Variants in TMEM164 observed in about 807,000 individuals in gnomAD.
TMEM164 encodes transmembrane protein 164.
A neutral mutation model predicts 18.8 loss-of-function variants in TMEM164; 4 were observed. That is an observed-to-expected ratio of 0.21 (90% confidence interval 0.10 to 0.49). TMEM164 has a LOEUF of 0.49. Among genes scored for constraint, TMEM164 ranks in the 20% least tolerant of loss-of-function variants. The pLI is 0.98. For synonymous variants in TMEM164, 86 were observed against 101.7 expected, an observed-to-expected ratio of 0.85 and a Z score of 0.93; for missense variants, 108 against 239.9, an observed-to-expected ratio of 0.45 and a Z score of 3.63.
intron 2 of TMEM164, among the ~76,000 whole-genome samples, chrX:110,040,152 T>C (rs1935027334): frequency 8.9e-6 from 1 of 112,494 alleles, no homozygotes. Context: ...AATGAGAAGA[T>C]ACTCTTGAAA....
chrX:110,172,802 T>C (rs776737436), intron 6 of TMEM164, among the ~76,000 whole-genome samples: 4 of 112,082 alleles, frequency 3.6e-5, no homozygotes, highest in Non-Finnish European at 5.6e-5. Flanking sequence ...GACCTCCTCA[T>C]AGTGTATAAA....
chrX:110,018,421 TA>T (rs1933603574), intron 2 of TMEM164, among the ~76,000 whole-genome samples: 1 of 111,904 alleles, frequency 8.9e-6, no homozygotes, highest in South Asian at 3.7e-4. Context: ...AGTCTTCTTA[TA>T]TAATAAGAAA....
At chrX:110,183,582 C>T (rs1162485798), downstream of TMEM164, among the ~76,000 whole-genome samples, 5 of 112,038 alleles carry the variant, frequency 4.5e-5, no homozygotes, top group Admixed American at 2.8e-4. Flanking sequence ...TTAGATACCA[C>T]CACTACCATC....
At chrX:110,039,775 A>G (rs577536056) in intron 2 of TMEM164, among the ~76,000 whole-genome samples, 6 of 112,561 alleles carry the variant, frequency 5.3e-5, no homozygotes, top group African/African-American at 1.9e-4. Context: ...CAGTTATGCC[A>G]TCACTTTCCT....
rs750954521 is a variant in TMEM164 at position 110,174,892 on chromosome X, T to C, written c.*1441T>C. ...CCTGTCCCACTCTAGGCAACACAGTTGACCTAGACCAGTTCCAGTATTTCC... is the reference window on the plus strand; with the variant it reads ...CCTGTCCCACTCTAGGCAACACAGTCGACCTAGACCAGTTCCAGTATTTCC... On this transcript the variant is annotated 3_prime_UTR_variant, in exon 7 of 7. Transcript: ENST00000372068. The C allele has an allele frequency of 4.5e-5, 5 of 112,302 alleles. No homozygotes were observed. Among genetic ancestry groups the C allele is most frequent in the Non-Finnish European group, 9.4e-5 (5 of 53,179 alleles). 9.3% of individuals were successfully genotyped at this position (112,302 alleles called of 1,213,427 possible).
At chrX:110,024,187 C>T (rs779094270) in intron 2 of TMEM164, among the ~76,000 whole-genome samples, 4 of 112,558 alleles carry the variant, frequency 3.6e-5, no homozygotes, top group Non-Finnish European at 7.5e-5. Context: ...CACACTGTTT[C>T]TGTTTTCCCT....
intron 4 of TMEM164, among the ~76,000 whole-genome samples, chrX:110,126,810 C>CTGTGTGTGTGTGTGTG (rs4035483): frequency 1.1e-4 from 8 of 69,580 alleles, no homozygotes; most frequent in African/African-American, 4.6e-4. Context: ...TGGGCCACTC[C>CTGTGTGTGTGTGTGTG]TGTGTGTGTG....
chrX:110,116,709 G>A, intron 4 of TMEM164, among the ~76,000 whole-genome samples: 1 of 111,146 alleles, frequency 9.0e-6, no homozygotes, highest in East Asian at 2.8e-4. Flanking sequence ...TGTGTGGATG[G>A]GACTTTGGAA....
chrX:110,082,069 T>A (rs2065766438), intron 3 of TMEM164: 1 of 112,971 alleles, frequency 8.9e-6, no homozygotes, highest in Admixed American at 9.4e-5. Flanking sequence ...TCAGTTGACA[T>A]GTGACTTGCT....
At chrX:110,115,741 A>G (rs772410960) in intron 4 of TMEM164, among the ~76,000 whole-genome samples, 6 of 111,791 alleles carry the variant, frequency 5.4e-5, no homozygotes, top group Non-Finnish European at 1.1e-4. Flanking sequence ...AGTTAGAAAG[A>G]TAAAGTATAA....
At chrX:110,079,522 T>C (rs1282565942) in intron 3 of TMEM164, among the ~76,000 whole-genome samples, 1 of 111,734 alleles carries the variant, frequency 8.9e-6, no homozygotes, top group Non-Finnish European at 1.9e-5. Flanking sequence ...GAAGACATGC[T>C]TCAGGATCTT....
intron 3 of TMEM164, among the ~76,000 whole-genome samples, chrX:110,085,157 CTTT>C (rs769083794): frequency 1.0e-5 from 1 of 96,272 alleles, no homozygotes. Flanking sequence ...TTCATATGAA[CTTT>C]TTTTTTTTTT....
chrX:110,067,180 G>T (rs62597747), intron 2 of TMEM164, among the ~76,000 whole-genome samples, 167 bp from the exon 3 acceptor site: 1 of 90,428 alleles, frequency 1.1e-5, no homozygotes, highest in Non-Finnish European at 2.2e-5. Flanking sequence ...ACACACACAC[G>T]CATGCATGCA....
intron 3 of TMEM164, among the ~76,000 whole-genome samples, chrX:110,093,010 G>A (rs1410567482): frequency 1.8e-5 from 2 of 111,869 alleles, no homozygotes; most frequent in Non-Finnish European, 3.8e-5. Flanking sequence ...GACGGGTTAT[G>A]TTTATTGATT....
rs1036340545 is a variant in TMEM164, at chrX:110,003,641, C to T, written c.-134C>T. 2.7e-6 allele frequency: 2 copies of T among 741,704 alleles called. No individual in the cohort carries two copies. Among genetic ancestry groups the T allele is most frequent in the South Asian group, 2.8e-5 (1 of 36,070 alleles). The allele number at this position is 741,704 out of a possible 1,213,427, so 61.1% of individuals were successfully genotyped here. Reference sequence around the variant, plus strand: ...CGTGTAGCTTCCCCTCCCCTACTCTCGGTGCCCTGGTGTCTGGAGGGGGGT... The same window carrying T: ...CGTGTAGCTTCCCCTCCCCTACTCTTGGTGCCCTGGTGTCTGGAGGGGGGT... On this transcript the variant is annotated 5_prime_UTR_variant, in exon 2 of 7. Coordinates refer to ENST00000372068, the MANE Select transcript of TMEM164 (RefSeq NM_032227.4).
intron 3 of TMEM164, among the ~76,000 whole-genome samples, chrX:110,069,865 A>C (rs1285819378): frequency 8.9e-6 from 1 of 111,959 alleles, no homozygotes; most frequent in Non-Finnish European, 1.9e-5. Context: ...GTATTGGAAT[A>C]ATATATTAAA....
chrX:110,081,329 C>T (rs2065754464), intron 3 of TMEM164, among the ~76,000 whole-genome samples: 1 of 111,634 alleles, frequency 9.0e-6, no homozygotes, highest in African/African-American at 3.3e-5. Context: ...CCTATTCTTT[C>T]TTCTCTTGCC....
chrX:110,124,251 CAGGG>C (rs2066498689), intron 4 of TMEM164, among the ~76,000 whole-genome samples: 2 of 109,505 alleles, frequency 1.8e-5, no homozygotes, highest in Non-Finnish European at 3.8e-5. Flanking sequence ...AAGAGGGAAG[CAGGG>C]AGGGAGGGAG....
At chrX:110,066,159 T>C (rs767903534) in intron 2 of TMEM164, among the ~76,000 whole-genome samples, 15 of 111,678 alleles carry the variant, frequency 1.3e-4, no homozygotes, top group Non-Finnish European at 2.3e-4. Flanking sequence ...TGTCTTTCCT[T>C]ATAGTGATTT....
Sources: allele counts gnomAD v4.1 joint callset (sites outside exome capture counted in the v4.1 genomes callset), GRCh38; gene constraint gnomAD v4.1.1; transcripts MANE v1.5; gene names NCBI Gene and HGNC (gene_info 2026-07-23, HGNC 2026-07-21).